The following APC variants were observed in gnomAD, a reference collection of about 807,000 sequenced individuals.
APC encodes APC regulator of Wnt signaling pathway.
APC carries 72 observed loss-of-function variants against 247.0 expected under a neutral mutation model. The observed-to-expected ratio is 0.29, with a 90% CI of 0.24 to 0.35. The LOEUF (loss-of-function observed/expected upper bound fraction) is 0.35, where lower values mean the gene tolerates loss of function less well. APC is among the 10% of genes least tolerant of loss of function. The pLI is 1.00. For synonymous variants in APC, 1,254 were observed against 1,162.5 expected (o/e 1.08, Z -1.60); for missense variants, 3,400 against 3,360.7 (o/e 1.01, Z -0.29).
intron 11 of APC, among the ~76,000 whole-genome samples, chr5:112,823,630 C>G (rs1051117688): frequency 6.6e-6 from 1 of 152,072 alleles, no homozygotes; most frequent in Non-Finnish European, 1.5e-5. Flanking sequence ...CTACAGCTAT[C>G]AGTCATTTAA....
At chr5:112,729,663 C>T (rs781114667) in intron 1 of APC, among the ~76,000 whole-genome samples, 1 of 152,176 alleles carries the variant, frequency 6.6e-6, no homozygotes, top group Non-Finnish European at 1.5e-5. Context: ...TTTAAGGGCT[C>T]ATGTCATTAC....
At chr5:112,777,352 A>G (rs987874621) in intron 5 of APC, among the ~76,000 whole-genome samples, 2 of 152,216 alleles carry the variant, frequency 1.3e-5, no homozygotes, top group Non-Finnish European at 2.9e-5. Context: ...TGATTGAGTA[A>G]TGGCTATGGA....
chr5:112,818,096 A>T (rs1351791063), intron 9 of APC, among the ~76,000 whole-genome samples: 1 of 152,216 alleles, frequency 6.6e-6, no homozygotes, highest in African/African-American at 2.4e-5. Context: ...CAATTGTGAC[A>T]ACCAAAAATG....
chr5:112,763,379 A>G (rs1755888258), intron 2 of APC, among the ~76,000 whole-genome samples: 1 of 151,374 alleles, frequency 6.6e-6, no homozygotes, highest in Non-Finnish European at 1.5e-5. Flanking sequence ...TTTTCTGTGT[A>G]ATTTATTGTC....
intron 4 of APC, among the ~76,000 whole-genome samples, chr5:112,775,373 G>C (rs392179): frequency 6.6e-6 from 1 of 152,236 alleles, no homozygotes; most frequent in Admixed American, 6.5e-5. Context: ...GAAAGCCTTT[G>C]GTGAAGTGTA....
At chr5:112,718,637 T>G (rs1295433002) in intron 1 of APC, among the ~76,000 whole-genome samples, 1 of 152,248 alleles carries the variant, frequency 6.6e-6, no homozygotes, top group Non-Finnish European at 1.5e-5. Flanking sequence ...GTCACCTTTC[T>G]GGGTTCCTGA....
intron 1 of APC, among the ~76,000 whole-genome samples, chr5:112,741,308 G>C (rs1752986296): frequency 1.3e-5 from 2 of 152,292 alleles, no homozygotes; most frequent in South Asian, 2.1e-4. Flanking sequence ...ATTGCTGTTT[G>C]AAACACTGCT....
Position 112,842,642 on chromosome 5 carries a change from T to A in APC, c.7048T>A (p.Ser2350Thr), listed in dbSNP as rs1554087948. 1 of 1,613,870 alleles carries A rather than the reference T, an allele frequency of 6.2e-7. No individual in the cohort carries two copies. Among genetic ancestry groups the A allele is most frequent in the East Asian group, 2.2e-5 (1 of 44,882 alleles). Residue 2350 changes from serine to threonine, a missense_variant, in exon 16 of 16, where the codon TCC (serine) becomes ACC (threonine). Around this residue, in one of 9 missense-constraint regions of APC, gnomAD observed 1,788 missense variants for 1,649.5 expected, o/e 1.08. Coordinates refer to ENST00000257430, the MANE Select transcript of APC (RefSeq NM_000038.6). ...ATTATCTCAACTTCCAAGGACATCA[T>A]CCCCTAGTACTGCTTCAACTAAGTC... is the stretch of plus-strand genomic sequence containing the variant. Reference protein sequence around the residue: ...NKLSQLPRTSSPSTASTKSSG... With the variant: ...NKLSQLPRTSTPSTASTKSSG...
rs780270498 is a variant in APC, at chr5:112,843,223, G to T, written c.7629G>T (p.Arg2543Ser). 6.2e-7 allele frequency: 1 copy of T among 1,613,856 alleles called. No homozygotes were observed. The highest frequency in any genetic ancestry group is 2.2e-5 in the East Asian group (1 of 44,874). Residue 2543 changes from arginine (R) to serine (S), a missense_variant, in exon 16 of 16, where the codon AGG (arginine) becomes AGT (serine). Arg to Ser is a moderately radical substitution (Grantham distance 110, BLOSUM62 -1). Coordinates refer to ENST00000257430, the MANE Select transcript of APC (RefSeq NM_000038.6). The surrounding 1 kb of genome is among the most constrained non-coding windows in gnomAD (Gnocchi z 4.8). ...GTCCTTCTAGACTTCCAATCAATAG[G>T]TCAGGAACCTGGAAACGTGAGCACA... ...SESPSRLPIN[R>S]SGTWKREHSK...
chr5:112,733,770 T>C (rs1752217294), upstream of APC, among the ~76,000 whole-genome samples: 1 of 152,206 alleles, frequency 6.6e-6, no homozygotes, highest in Non-Finnish European at 1.5e-5. Flanking sequence ...AACTATTTTA[T>C]TGTAGGAAGA....
intron 2 of APC, among the ~76,000 whole-genome samples, chr5:112,762,728 G>A (rs1755808567): frequency 6.6e-6 from 1 of 152,196 alleles, no homozygotes. Flanking sequence ...CCTCTGGGGT[G>A]CTAGAAATGT....
At chr5:112,707,914 C>T (rs1427801912) in intron 1 of APC, 2 of 1,338,168 alleles carry the variant, frequency 1.5e-6, no homozygotes, top group Non-Finnish European at 9.8e-7. Flanking sequence ...GACGTCTCCT[C>T]CCGGCAAAGC....
rs1438811296 is a variant in APC, at chr5:112,788,270, T to C, written c.646-4176T>C. Among the ~76,000 whole-genome samples the C allele has an allele frequency of 2.0e-5, 3 of 152,198 alleles. No homozygotes were observed. In the East Asian group the frequency reaches 5.8e-4, roughly 29 times the overall value. ...ATGTAGTATTCTGCCTTATTACTCTTGTCATGTAAACTTTAATGTCAGCTT... is the reference window on the plus strand; with the variant it reads ...ATGTAGTATTCTGCCTTATTACTCTCGTCATGTAAACTTTAATGTCAGCTT... On this transcript the variant is annotated intron_variant, in intron 6 of 15. Transcript: ENST00000257430.
intron 1 of APC, among the ~76,000 whole-genome samples, chr5:112,745,262 C>T (rs1753514991): frequency 6.6e-6 from 1 of 151,898 alleles, no homozygotes; most frequent in Non-Finnish European, 1.5e-5. Flanking sequence ...TTCCATTAAT[C>T]TAATAAGCAA....
intron 1 of APC, among the ~76,000 whole-genome samples, chr5:112,743,465 G>A (rs1753275375): frequency 6.6e-6 from 1 of 151,940 alleles, no homozygotes. Context: ...TTACTTTTGC[G>A]AATGTGTGTT....
At chr5:112,745,548 TTTA>T (rs139166227) in intron 1 of APC, among the ~76,000 whole-genome samples, 1,771 of 148,702 alleles carry the variant, frequency 0.012, 28 homozygotes, top group South Asian at 0.02. Context: ...TAATATTCAC[TTTA>T]TTATTATTAT....
At chr5:112,813,124 G>A (rs1762150530) in intron 8 of APC, among the ~76,000 whole-genome samples, 1 of 151,894 alleles carries the variant, frequency 6.6e-6, no homozygotes, top group African/African-American at 2.4e-5. Context: ...CTTTATATGG[G>A]GACACATTTT....
chr5:112,754,092 T>C (rs1581119062), intron 1 of APC, among the ~76,000 whole-genome samples: 1 of 152,236 alleles, frequency 6.6e-6, no homozygotes, highest in South Asian at 2.1e-4. Context: ...CTCTGCTTCA[T>C]TTCTCTTTGA....
intron 5 of APC, chr5:112,777,705 T>G (rs1757812723): frequency 4.4e-6 from 1 of 225,258 alleles, no homozygotes; most frequent in Non-Finnish European, 1.0e-5. Flanking sequence ...AATTACATTT[T>G]GAGGACCCTT....
Sources: gnomAD v4.1 joint callset for allele counts (sites outside exome capture counted in the v4.1 genomes callset) on GRCh38, gnomAD v4.1.1 for gene constraint, gnomAD v4.1.1 regional missense constraint, Gnocchi (gnomAD v3.1) non-coding constraint, MANE v1.5 for transcripts, NCBI Gene and HGNC (gene_info 2026-07-23, HGNC 2026-07-21) for gene names.